Variants in FHOD3 observed in about 807,000 individuals in gnomAD.
The protein encoded by FHOD3 is FH1/FH2 domain-containing protein 3.
In FHOD3, 90 loss-of-function variants were observed where a neutral mutation model predicts 173.0. The observed-to-expected ratio is 0.52, with a 90% CI of 0.44 to 0.62. The LOEUF (loss-of-function observed/expected upper bound fraction) is 0.62. FHOD3 is among the 20% of genes least tolerant of loss of function. The pLI is 0.00. For synonymous variants in FHOD3, 828 were observed against 823.0 expected (o/e 1.01, Z -0.10); for missense variants, 1,945 against 2,034.7 (o/e 0.96, Z 0.85).
At chr18:36,437,665 C>CTTTTTTTTTTTTTTT (rs1555704498) in intron 3 of FHOD3, among the ~76,000 whole-genome samples, 14 of 69,456 alleles carry the variant, frequency 2.0e-4, no homozygotes, top group African/African-American at 5.8e-4. Flanking sequence ...TTCTTTCTTT[C>CTTTTTTTTTTTTTTT]TTTTTTTTTT....
intron 17 of FHOD3, among the ~76,000 whole-genome samples, chr18:36,698,891 G>A (rs1482379098): frequency 1.3e-5 from 2 of 152,202 alleles, no homozygotes; most frequent in East Asian, 3.9e-4. Context: ...GGCACATTGT[G>A]GGGAACCTGG....
At chr18:36,631,584 T>G (rs1341009346) in intron 10 of FHOD3, among the ~76,000 whole-genome samples, 7 of 152,180 alleles carry the variant, frequency 4.6e-5, no homozygotes, top group Admixed American at 4.6e-4. Context: ...GCACTGCAAG[T>G]GTACAAACTC....
intron 11 of FHOD3, 62 bp from the exon 12 acceptor site, chr18:36,652,508 C>T: frequency 6.8e-7 from 1 of 1,473,160 alleles, no homozygotes; most frequent in Non-Finnish European, 9.0e-7. Context: ...TTTTCCTAAC[C>T]TTTGCTCCTT....
At chr18:36,330,006 G>A (rs1338536452) in intron 1 of FHOD3, among the ~76,000 whole-genome samples, 1 of 152,222 alleles carries the variant, frequency 6.6e-6, no homozygotes, top group Non-Finnish European at 1.5e-5. Context: ...CAGGGAAGGT[G>A]TGGGGCCAAG....
At chr18:36,501,799 T>C (rs1430327764) in intron 3 of FHOD3, 133 bp from the exon 4 acceptor site, 3 of 611,474 alleles carry the variant, frequency 4.9e-6, no homozygotes. Context: ...GGGTAAGGTC[T>C]GTATCCTGAA....
intron 6 of FHOD3, 110 bp downstream of exon 6, chr18:36,576,655 C>A: frequency 8.7e-5 from 57 of 651,854 alleles, no homozygotes; most frequent in Non-Finnish European, 1.2e-4. Context: ...TTTTTCAAGC[C>A]GTTACAGTAT....
intron 18 of FHOD3, chr18:36,710,532 G>A (rs1164097309): frequency 1.3e-5 from 2 of 152,162 alleles, no homozygotes; most frequent in Non-Finnish European, 2.9e-5. Flanking sequence ...CAATGGCGTA[G>A]TCTAAAATAG....
Position 36,372,754 on chromosome 18 carries a change from A to G in FHOD3, c.337+10A>G. The G allele has an allele frequency of 6.2e-7, 1 of 1,612,694 alleles. No individual in the cohort carries two copies. Among genetic ancestry groups the G allele is most frequent in the Non-Finnish European group, 8.5e-7 (1 of 1,178,838 alleles). The stretch of plus-strand genomic sequence containing the variant: ...GTCCATGCCTGCATCGGTGAGTGAC[A>G]CCTGCCCTCAGGAACTAAACATATG... On this transcript the variant is annotated intron_variant, in intron 3 of 28. Coordinates refer to ENST00000590592, the MANE Select transcript of FHOD3 (RefSeq NM_001281740.3).
At chr18:36,532,147 T>G (rs1458858927) in intron 5 of FHOD3, among the ~76,000 whole-genome samples, 1 of 152,200 alleles carries the variant, frequency 6.6e-6, no homozygotes, top group Non-Finnish European at 1.5e-5. Flanking sequence ...GTTGTACCTC[T>G]TAATGTTTAT....
At chr18:36,685,025 G>C (rs969985913) in intron 15 of FHOD3, among the ~76,000 whole-genome samples, 1 of 152,164 alleles carries the variant, frequency 6.6e-6, no homozygotes, top group South Asian at 2.1e-4. Flanking sequence ...GGCTGGTTTT[G>C]AACTCCTGGG....
chr18:36,618,824 T>G (rs1052547048), intron 9 of FHOD3, among the ~76,000 whole-genome samples: 4 of 152,170 alleles, frequency 2.6e-5, no homozygotes, highest in African/African-American at 9.6e-5. Flanking sequence ...AAAGAATTCC[T>G]GACCACTCCT....
At chr18:36,366,098 A>G (rs1252064598) in intron 2 of FHOD3, among the ~76,000 whole-genome samples, 2 of 152,238 alleles carry the variant, frequency 1.3e-5, no homozygotes, top group African/African-American at 4.8e-5. Flanking sequence ...AGTTGCACAC[A>G]CAGGAGGCAC....
At chr18:36,759,998 A>C (rs971935967) in intron 26 of FHOD3, among the ~76,000 whole-genome samples, 2 of 152,064 alleles carry the variant, frequency 1.3e-5, no homozygotes, top group Admixed American at 6.6e-5. Flanking sequence ...GGGCCCTGAT[A>C]CCAATTCTTT....
At chr18:36,692,061 G>A (rs769562043) in intron 16 of FHOD3, among the ~76,000 whole-genome samples, 3 of 152,218 alleles carry the variant, frequency 2.0e-5, no homozygotes, top group Non-Finnish European at 2.9e-5. Context: ...TTCCTGGAGG[G>A]AGATGTGCAT....
chr18:36,560,173 T>C (rs2058037500), intron 5 of FHOD3, among the ~76,000 whole-genome samples: 1 of 152,234 alleles, frequency 6.6e-6, no homozygotes, highest in Admixed American at 6.5e-5. Flanking sequence ...GTTCGTCCTT[T>C]GACTTAGAAA....
In FHOD3 at chr18:36,418,882, C is replaced by G. The variant is rs1027437726; in HGVS notation, c.337+46138C>G. 3.9e-5 allele frequency among the ~76,000 whole-genome samples: 6 copies of G among 152,156 alleles called. No individual in the cohort carries two copies. In the South Asian group the frequency reaches 1.2e-3, roughly 32 times the overall value. On this transcript the variant is annotated intron_variant, in intron 3 of 28. Transcript: ENST00000590592. ...TGAGCCGAGATCGCGCCATTGCACT[C>G]CAGCCTGGGCGACAAAGTGAGACCC...
intron 3 of FHOD3, among the ~76,000 whole-genome samples, chr18:36,486,907 A>G (rs1459522753): frequency 1.3e-5 from 2 of 152,200 alleles, no homozygotes; most frequent in African/African-American, 2.4e-5. Flanking sequence ...ATCATACAGT[A>G]TCTGGTATTT....
chr18:36,401,416 C>T (rs2048806332), intron 3 of FHOD3, among the ~76,000 whole-genome samples: 1 of 152,120 alleles, frequency 6.6e-6, no homozygotes, highest in Non-Finnish European at 1.5e-5. Context: ...TATGAATTAC[C>T]CAGTCTAAAG....
At chr18:36,613,736 C>T (rs557232556) in intron 9 of FHOD3, among the ~76,000 whole-genome samples, 115 of 152,210 alleles carry the variant, frequency 7.6e-4, no homozygotes, top group Non-Finnish European at 1.1e-3. Context: ...TGTGGTGGCG[C>T]GATCTCGGCT....
Sources: allele counts gnomAD v4.1 joint callset (sites outside exome capture counted in the v4.1 genomes callset), GRCh38; gene constraint gnomAD v4.1.1; transcripts MANE v1.5; gene names NCBI Gene and HGNC (gene_info 2026-07-23, HGNC 2026-07-21).